ACOXL: variants seen among roughly 807,000 people sequenced by gnomAD.
The protein encoded by ACOXL is acyl-CoA oxidase like, also known as acyl-coenzyme A oxidase-like protein.
Under a neutral mutation model 71.9 loss-of-function variants are expected in ACOXL, and 70 were observed. That is an observed-to-expected ratio of 0.97 (90% confidence interval 0.80 to 1.19). The LOEUF (loss-of-function observed/expected upper bound fraction) is 1.19. Among genes scored for constraint, ACOXL ranks in the 50% most tolerant of loss-of-function variants. The pLI is 0.00. For missense variants in ACOXL, 703 were observed against 736.3 expected (o/e 0.95, Z 0.52); for synonymous variants, 253 against 281.6 (o/e 0.90, Z 1.02).
intron 10 of ACOXL, among the ~76,000 whole-genome samples, chr2:110,884,046 A>ACC (rs1697008037): frequency 6.6e-6 from 1 of 152,200 alleles, no homozygotes; most frequent in Non-Finnish European, 1.5e-5. Flanking sequence ...CTACCATCTT[A>ACC]AGGTTTTTCA....
At chr2:110,879,270 AAG>A (rs1696322704) in intron 10 of ACOXL, among the ~76,000 whole-genome samples, 1 of 152,196 alleles carries the variant, frequency 6.6e-6, no homozygotes, top group Non-Finnish European at 1.5e-5. Context: ...CAGGTTGCCC[AAG>A]AGAGATGATA....
At chr2:110,920,657 G>A (rs1213027148) in intron 11 of ACOXL, among the ~76,000 whole-genome samples, 3 of 151,898 alleles carry the variant, frequency 2.0e-5, no homozygotes, top group Non-Finnish European at 4.4e-5. Flanking sequence ...TTTGAGAATT[G>A]TTTTGGCTAT....
chr2:111,048,033 T>C (rs2066101353), intron 15 of ACOXL, among the ~76,000 whole-genome samples: 1 of 152,264 alleles, frequency 6.6e-6, no homozygotes, highest in African/African-American at 2.4e-5. Context: ...TGATGAAAAT[T>C]CATCATTGCT....
intron 9 of ACOXL, 46 bp downstream of exon 9, chr2:110,805,441 C>T (rs1686519912): frequency 6.2e-7 from 1 of 1,612,174 alleles, no homozygotes. Flanking sequence ...TGAATTCTCT[C>T]ACGACTCAGG....
chr2:111,106,684 C>T (rs552637783), intron 17 of ACOXL, among the ~76,000 whole-genome samples: 1 of 152,208 alleles, frequency 6.6e-6, no homozygotes, highest in Non-Finnish European at 1.5e-5. Flanking sequence ...TCCTCTAACA[C>T]TGTTCCAGTG....
At chr2:111,050,117 C>T (rs757428244) in intron 16 of ACOXL, among the ~76,000 whole-genome samples, 13 of 152,202 alleles carry the variant, frequency 8.5e-5, no homozygotes, top group Middle Eastern at 6.8e-3. Context: ...CAGGAAACCG[C>T]GTGCACCAGG....
intron 12 of ACOXL, among the ~76,000 whole-genome samples, chr2:110,952,264 A>G (rs1371512403): frequency 1.3e-5 from 2 of 152,166 alleles, no homozygotes; most frequent in Non-Finnish European, 2.9e-5. Flanking sequence ...TATCAACCAT[A>G]AAGTCCATGA....
At chr2:110,835,302 G>A (rs1690314793) in intron 9 of ACOXL, among the ~76,000 whole-genome samples, 2 of 151,998 alleles carry the variant, frequency 1.3e-5, no homozygotes, top group South Asian at 4.2e-4. Flanking sequence ...TCAAGGAATG[G>A]TAACATCATA....
intron 16 of ACOXL, among the ~76,000 whole-genome samples, chr2:111,071,195 GAA>G (rs2067324187): frequency 6.6e-6 from 1 of 152,058 alleles, no homozygotes; most frequent in Non-Finnish European, 1.5e-5. Context: ...AGTTTGGAAG[GAA>G]AAGAGACTCT....
At chr2:111,117,047 G>A (rs1403910203) in intron 17 of ACOXL, among the ~76,000 whole-genome samples, 1 of 152,188 alleles carries the variant, frequency 6.6e-6, no homozygotes, top group South Asian at 2.1e-4. Context: ...GCATTGGTCC[G>A]CCGTCTCACT....
chr2:110,787,713 T>G (rs1327688255), intron 3 of ACOXL, among the ~76,000 whole-genome samples: 2 of 152,146 alleles, frequency 1.3e-5, no homozygotes, highest in Non-Finnish European at 2.9e-5. Context: ...CCTCTTCTTC[T>G]GGTTCCTTTT....
At chr2:110,792,480 T>G (rs1684771577) in intron 3 of ACOXL, among the ~76,000 whole-genome samples, 1 of 152,098 alleles carries the variant, frequency 6.6e-6, no homozygotes, top group African/African-American at 2.4e-5. Context: ...TCAGCAACAC[T>G]TTTCCAGGGT....
At chr2:111,094,867 A>T (rs1448845511) in intron 17 of ACOXL, among the ~76,000 whole-genome samples, 1 of 152,182 alleles carries the variant, frequency 6.6e-6, no homozygotes, top group Non-Finnish European at 1.5e-5. Flanking sequence ...GATGACAGGA[A>T]CAGACGGGTA....
At chr2:110,901,398 G>T (rs569832151) in intron 10 of ACOXL, among the ~76,000 whole-genome samples, 1 of 152,008 alleles carries the variant, frequency 6.6e-6, no homozygotes. Flanking sequence ...AAATATTCCC[G>T]TGTTTAAAAA....
intron 9 of ACOXL, among the ~76,000 whole-genome samples, chr2:110,828,937 G>T (rs36122237): frequency 6.6e-6 from 1 of 151,816 alleles, no homozygotes; most frequent in Non-Finnish European, 1.5e-5. Context: ...TCAGCCTCCC[G>T]AGTAGCTGGG....
intron 10 of ACOXL, among the ~76,000 whole-genome samples, chr2:110,845,043 A>G (rs984760470): frequency 2.0e-5 from 3 of 152,248 alleles, no homozygotes; most frequent in Non-Finnish European, 4.4e-5. Flanking sequence ...GCCTAACATA[A>G]AATCAGCCAT....
chr2:110,970,681 T>C (rs893775416), intron 12 of ACOXL, among the ~76,000 whole-genome samples: 6 of 152,136 alleles, frequency 3.9e-5, no homozygotes, highest in African/African-American at 1.4e-4. Context: ...AAATAAAAAC[T>C]GTAGCTTTCT....
intron 17 of ACOXL, among the ~76,000 whole-genome samples, chr2:111,094,703 G>A (rs540391414): frequency 6.6e-6 from 1 of 152,278 alleles, no homozygotes; most frequent in African/African-American, 2.4e-5. Flanking sequence ...ATAAACTTTG[G>A]GGGATACATT....
chr2:110,958,846 A>C (rs1044002793), intron 12 of ACOXL, among the ~76,000 whole-genome samples: 2 of 152,230 alleles, frequency 1.3e-5, no homozygotes, highest in Non-Finnish European at 2.9e-5. Flanking sequence ...CTCATCTGTC[A>C]GCTGTTGGAG....
Sources: allele counts gnomAD v4.1 joint callset (sites outside exome capture counted in the v4.1 genomes callset), GRCh38; gene constraint gnomAD v4.1.1; transcripts MANE v1.5; gene names NCBI Gene and HGNC (gene_info 2026-07-23, HGNC 2026-07-21).